ZNF532: variants seen among roughly 807,000 people sequenced by gnomAD.
The protein encoded by ZNF532 is zinc finger protein 532.
A neutral mutation model predicts 89.3 loss-of-function variants in ZNF532; 22 were observed. The ratio of observed to expected loss-of-function variants is 0.25; its 90% CI spans 0.18 to 0.35. The LOEUF (loss-of-function observed/expected upper bound fraction) is 0.35. Among genes scored for constraint, ZNF532 ranks in the 10% least tolerant of loss-of-function variants. The pLI is 1.00. For missense variants in ZNF532, 1,132 were observed against 1,643.4 expected (o/e 0.69, Z 5.38); for synonymous variants, 606 against 649.6 (o/e 0.93, Z 1.02).
chr18:58,915,302 G>A (rs1169551636), intron 2 of ZNF532, among the ~76,000 whole-genome samples: 1 of 152,142 alleles, frequency 6.6e-6, no homozygotes, highest in Non-Finnish European at 1.5e-5. Flanking sequence ...CTTCCTGCAG[G>A]TGAACTAGGA....
intron 5 of ZNF532, among the ~76,000 whole-genome samples, chr18:58,941,972 C>CTCCTTCCCTCCT (rs1555739593): frequency 3.1e-5 from 4 of 129,496 alleles, no homozygotes; most frequent in Non-Finnish European, 5.0e-5. Context: ...CTCTCCCTCC[C>CTCCTTCCCTCCT]TCCCTCCTTC....
chr18:58,956,894 C>T (rs1210262971), intron 7 of ZNF532, among the ~76,000 whole-genome samples: 2 of 152,218 alleles, frequency 1.3e-5, no homozygotes, highest in Non-Finnish European at 2.9e-5. Context: ...ATTTAACTTT[C>T]TCTTGGGAAA....
chr18:58,877,130 C>T (rs774765577), intron 2 of ZNF532, among the ~76,000 whole-genome samples: 54 of 152,138 alleles, frequency 3.5e-4, no homozygotes, highest in Non-Finnish European at 7.1e-4. Flanking sequence ...GTGAGAGATG[C>T]GGACTGAAGG....
At chr18:58,909,657 A>C (rs1225115329) in intron 2 of ZNF532, among the ~76,000 whole-genome samples, 1 of 152,178 alleles carries the variant, frequency 6.6e-6, no homozygotes, top group Non-Finnish European at 1.5e-5. Context: ...GGTCACAGGC[A>C]ACATGAAAGA....
Position 58,919,170 on chromosome 18 carries a change from A to C in ZNF532, c.883A>C (p.Arg295=). The part of the protein sequence containing the change: ...DSCKEPVANS[R]ESSPLPKEVN... ...CTGCAAAGAACCAGTGGCCAATTCG[A>C]GGGAATCCTCCCCGTTACCAAAAGA... The change falls in exon 3 of 10, where the codon AGG becomes CGG. Residue 295 remains arginine, a synonymous_variant. Transcript: ENST00000591808. The surrounding 1 kb of genome is among the most constrained non-coding windows in gnomAD (Gnocchi z 6.1). 1.2e-6 allele frequency: 2 copies of C among 1,614,190 alleles called. No homozygotes were observed. Among genetic ancestry groups the C allele is most frequent in the South Asian group, 2.2e-5 (2 of 91,082 alleles).
At chr18:58,924,670 C>G (rs1182906429) in intron 3 of ZNF532, among the ~76,000 whole-genome samples, 1 of 152,174 alleles carries the variant, frequency 6.6e-6, no homozygotes, top group Non-Finnish European at 1.5e-5. Context: ...ATGGTAACAT[C>G]TCACAAAACT....
At chr18:58,937,002 A>G (rs2062533541) in intron 4 of ZNF532, among the ~76,000 whole-genome samples, 1 of 152,060 alleles carries the variant, frequency 6.6e-6, no homozygotes. Context: ...ACATCTCCCA[A>G]ATACTGATGG....
Position 58,902,896 on chromosome 18 carries a change from C to T in ZNF532, c.-17-15375C>T, listed in dbSNP as rs756465576. On this transcript the variant is annotated intron_variant, in intron 2 of 9. Transcript: ENST00000591808. ...AAGTGAATGAAATGCAGTAGGGAAC[C>T]GGTGCCAGCACTCTGCGAAGTACCC... Among the ~76,000 whole-genome samples, 3 of 152,112 alleles carry T rather than the reference C, an allele frequency of 2.0e-5. No individual in the cohort carries two copies. In the East Asian group the frequency reaches 5.8e-4, roughly 29 times the overall value.
At chr18:58,977,994 T>G (rs577413358) in intron 7 of ZNF532, among the ~76,000 whole-genome samples, 2 of 152,342 alleles carry the variant, frequency 1.3e-5, no homozygotes, top group Non-Finnish European at 1.5e-5. Flanking sequence ...GCTCTTTAAT[T>G]TCCTTGTGAT....
At position 58,920,522 on chromosome 18, in the gene ZNF532, C is replaced by A. The variant is rs755916317; in HGVS notation, c.2235C>A (p.Asp745Glu). The A allele has an allele frequency of 1.2e-6, 2 of 1,613,878 alleles. No individual in the cohort carries two copies. Among genetic ancestry groups the A allele is most frequent in the Non-Finnish European group, 8.5e-7 (1 of 1,179,872 alleles). Reference protein sequence around the residue: ...PITPAMPLDEDPSKLCRHSLK... With the variant: ...PITPAMPLDEEPSKLCRHSLK... ...CCCCAGCCATGCCCCTAGATGAAGACCCCTCCAAACTGTGTAGACATAGTC... is the reference window on the plus strand; with the variant it reads ...CCCCAGCCATGCCCCTAGATGAAGAACCCTCCAAACTGTGTAGACATAGTC... Residue 745 changes from aspartate to glutamate, a missense_variant, in exon 3 of 10, where the codon GAC becomes GAA. Asp to Glu is a conservative substitution (Grantham distance 45). Coordinates refer to ENST00000591808, the MANE Select transcript of ZNF532 (RefSeq NM_001375912.1).
At chr18:58,922,072 A>G (rs988346855) in intron 3 of ZNF532, among the ~76,000 whole-genome samples, 5 of 151,748 alleles carry the variant, frequency 3.3e-5, no homozygotes, top group African/African-American at 1.2e-4. Context: ...ATACCACGGC[A>G]CTCCAGCCTC....
rs372705050 is a variant in ZNF532 at position 58,965,514 on chromosome 18, G to T, written c.3150+11715G>T. Among the ~76,000 whole-genome samples, 12 of 152,340 alleles carry T rather than the reference G, an allele frequency of 7.9e-5. No individual in the cohort carries two copies. In the South Asian group the frequency reaches 2.5e-3, roughly 32 times the overall value. The stretch of plus-strand genomic sequence containing the variant: ...TCTCCTTGAATCTTTCAATATAGAT[G>T]TGGGACAGTTAGCAGATATGTCTTT... On this transcript the variant is annotated intron_variant, in intron 7 of 9. Transcript: ENST00000591808.
chr18:58,936,696 C>T (rs1043707588), intron 4 of ZNF532, among the ~76,000 whole-genome samples: 2 of 152,140 alleles, frequency 1.3e-5, no homozygotes, highest in African/African-American at 4.8e-5. Context: ...GGCTGGTAAA[C>T]AACGATGTGT....
intron 2 of ZNF532, among the ~76,000 whole-genome samples, chr18:58,878,560 C>A (rs1469692949): frequency 1.3e-5 from 2 of 152,158 alleles, no homozygotes; most frequent in African/African-American, 4.8e-5. Flanking sequence ...ATAACTGCAG[C>A]CTGAAGTGGA....
At chr18:58,911,155 C>T (rs964176007) in intron 2 of ZNF532, among the ~76,000 whole-genome samples, 7 of 152,254 alleles carry the variant, frequency 4.6e-5, no homozygotes, top group South Asian at 2.1e-4. Context: ...ATGAAGGCTG[C>T]GTGGCAAGAG....
chr18:58,902,409 C>T (rs1420168749), intron 2 of ZNF532, among the ~76,000 whole-genome samples: 1 of 151,880 alleles, frequency 6.6e-6, no homozygotes, highest in Non-Finnish European at 1.5e-5. Flanking sequence ...CCCAGACTGG[C>T]GTGCAGTGGC....
At position 58,923,895 on chromosome 18, in the gene ZNF532, C is replaced by T. The variant is rs189269001; in HGVS notation, c.2346+3262C>T. Among the ~76,000 whole-genome samples the T allele has an allele frequency of 1.8e-4, 27 of 151,870 alleles. No individual in the cohort carries two copies. In the East Asian group the frequency reaches 2.1e-3, roughly 12 times the overall value. ...TTTTTGAGATGGAGTCTCACTCTGT[C>T]GCCCAGGCTGGAGTGCAGTGGCATG... On this transcript the variant is annotated intron_variant, in intron 3 of 9. Transcript: ENST00000591808.
intron 7 of ZNF532, among the ~76,000 whole-genome samples, chr18:58,960,840 T>C (rs912151641): frequency 3.9e-5 from 6 of 152,018 alleles, no homozygotes; most frequent in African/African-American, 1.5e-4. Flanking sequence ...GACTTAATTA[T>C]AGGAAGAGAA....
At position 58,948,247 on chromosome 18, in the gene ZNF532, C is replaced by T; in HGVS notation, c.2868+18C>T. The T allele has an allele frequency of 6.3e-7, 1 of 1,588,906 alleles. No homozygotes were observed. Among genetic ancestry groups the T allele is most frequent in the Non-Finnish European group, 8.6e-7 (1 of 1,167,748 alleles). ...ATATCAAGGTGTGTGTGCATCTATC[C>T]TCTACTTTAAATGAATTGCAGATCC... is the stretch of plus-strand genomic sequence containing the variant. On this transcript the variant is annotated intron_variant, in intron 6 of 9. Transcript: ENST00000591808.
Sources: gnomAD v4.1 joint callset for allele counts (sites outside exome capture counted in the v4.1 genomes callset) on GRCh38, gnomAD v4.1.1 for gene constraint, Gnocchi (gnomAD v3.1) non-coding constraint, MANE v1.5 for transcripts, NCBI Gene and HGNC (gene_info 2026-07-23, HGNC 2026-07-21) for gene names.